Variants in WDR49 observed in about 807,000 individuals in gnomAD.
WDR49 encodes cilia- and flagella-associated protein 337.
WDR49 carries 107 observed loss-of-function variants against 119.5 expected under a neutral mutation model. The observed-to-expected ratio is 0.90, with a 90% CI of 0.77 to 1.05. WDR49 has a LOEUF of 1.05. Among genes scored for constraint, WDR49 ranks in the 50% least tolerant of loss-of-function variants. WDR49 has a pLI of 0.00. For missense variants in WDR49, 1,240 were observed against 1,220.5 expected (o/e 1.02, Z -0.24); for synonymous variants, 425 against 418.8 (o/e 1.01, Z -0.18).
At chr3:167,493,203 C>T (rs1577195096) in intron 18 of WDR49, among the ~76,000 whole-genome samples, 1 of 152,278 alleles carries the variant, frequency 6.6e-6, no homozygotes, top group East Asian at 1.9e-4. Context: ...CAGTACCAAG[C>T]TCTCGCAGTG....
chr3:167,657,851 C>T (rs193249866), upstream of WDR49, among the ~76,000 whole-genome samples: 7 of 152,312 alleles, frequency 4.6e-5, no homozygotes, highest in East Asian at 1.4e-3. Context: ...TGACCTCATG[C>T]CTTCCAGCAA....
In WDR49 at chr3:167,610,875, G is replaced by A. The variant is rs549430419; in HGVS notation, c.959-6407C>T. ...CTTTGCATGTTTGGGGGACAGTAAG[G>A]GAGAGAACAAGAGTCTCTGTCTGGT... is the stretch of plus-strand genomic sequence containing the variant. On this transcript the variant is annotated intron_variant, in intron 5 of 18. Transcript: ENST00000682715. Among the ~76,000 whole-genome samples the A allele has an allele frequency of 8.3e-4, 127 of 152,328 alleles. 1 individual carries two copies. Among genetic ancestry groups the A allele is most frequent in the African/African-American group, 2.9e-3 (119 of 41,576 alleles).
intron 17 of WDR49, among the ~76,000 whole-genome samples, chr3:167,501,971 G>C (rs1193747602): frequency 6.6e-6 from 1 of 152,144 alleles, no homozygotes; most frequent in African/African-American, 2.4e-5. Flanking sequence ...TGTCCCCTCT[G>C]AATCTCATGT....
intron 7 of WDR49, among the ~76,000 whole-genome samples, chr3:167,588,475 G>A (rs2108294182): frequency 6.6e-6 from 1 of 152,234 alleles, no homozygotes; most frequent in South Asian, 2.1e-4. Flanking sequence ...ACCTAGTAGT[G>A]GGAATGCTGG....
chr3:167,581,405 G>A (rs925524761), intron 7 of WDR49, among the ~76,000 whole-genome samples: 2 of 151,972 alleles, frequency 1.3e-5, no homozygotes, highest in Admixed American at 1.3e-4. Flanking sequence ...TGCTGAAGGG[G>A]CCCCTACCAA....
At chr3:167,497,064 CCTA>C (rs1751382345) in intron 18 of WDR49, among the ~76,000 whole-genome samples, 1 of 152,194 alleles carries the variant, frequency 6.6e-6, no homozygotes. Context: ...CCTTTGACCT[CCTA>C]CTCATCCTTT....
chr3:167,531,149 G>A lies in WDR49; in HGVS notation c.2184C>T (p.Cys728=). The A allele has an allele frequency of 1.2e-6, 2 of 1,612,130 alleles. No individual in the cohort carries two copies. Among genetic ancestry groups the A allele is most frequent in the Non-Finnish European group, 1.7e-6 (2 of 1,179,372 alleles). ...TEGKNAVMRL[C]FLKARKNTAV... ...CAGTGTTTTTTCTTGCTTTAAGAAA[G>A]CAAAGTCTCATAACAGCATTTTTGC... is the stretch of plus-strand genomic sequence containing the variant. The change falls in exon 13 of 19, where the codon TGC becomes TGT. Residue 728 remains cysteine (C), a synonymous_variant. Transcript: ENST00000682715.
intron 7 of WDR49, among the ~76,000 whole-genome samples, chr3:167,582,842 G>A (rs1714612064): frequency 6.6e-6 from 1 of 151,972 alleles, no homozygotes; most frequent in East Asian, 1.9e-4. Flanking sequence ...CAGCTACATG[G>A]GAGGCTGAGG....
chr3:167,481,925 A>G (rs1750731117), intron 18 of WDR49, among the ~76,000 whole-genome samples: 1 of 152,208 alleles, frequency 6.6e-6, no homozygotes, highest in African/African-American at 2.4e-5. Context: ...AATACAGCCA[A>G]ACCATATCAG....
rs562895016 is a variant in WDR49, at chr3:167,545,627, T to C, written c.1824-8627A>G. Among the ~76,000 whole-genome samples, 56 of 149,492 alleles carry C rather than the reference T, an allele frequency of 3.7e-4. No homozygotes were observed. In the South Asian group the frequency reaches 0.01, roughly 28 times the overall value. ...AACTCAGGAATGGAAAAATCAAACA[T>C]TGTATGTTCTCACTTATAAGTGGAA... On this transcript the variant is annotated intron_variant, in intron 10 of 18. Coordinates refer to ENST00000682715, the MANE Select transcript of WDR49 (RefSeq NM_001366157.1).
At chr3:167,592,437 C>CTTTTTTTTTTT (rs372398450) in intron 7 of WDR49, among the ~76,000 whole-genome samples, 2 of 133,372 alleles carry the variant, frequency 1.5e-5, no homozygotes, top group Non-Finnish European at 3.3e-5. Flanking sequence ...TTTTCTTTTT[C>CTTTTTTTTTTT]TTTTTTTTTT....
Position 167,531,186 on chromosome 3 carries a change from A to G in WDR49, c.2147T>C (p.Ile716Thr). ...HSTTGVRNFE[I>T]DTEGKNAVMR... ...AACAGCATTTTTGCCCTCAGTGTCAATCTCAAAGTTGCGGACTCCCGTGGT... is the reference window on the plus strand; with the variant it reads ...AACAGCATTTTTGCCCTCAGTGTCAGTCTCAAAGTTGCGGACTCCCGTGGT... The change falls in exon 13 of 19, where the codon ATT (isoleucine) becomes ACT (threonine). Residue 716 changes from isoleucine to threonine, a missense_variant. Coordinates refer to ENST00000682715, the MANE Select transcript of WDR49 (RefSeq NM_001366157.1). 6.2e-7 allele frequency: 1 copy of G among 1,612,144 alleles called. No homozygotes were observed. Among genetic ancestry groups the G allele is most frequent in the Non-Finnish European group, 8.5e-7 (1 of 1,179,584 alleles).
chr3:167,614,827 C>T (rs1011842780), intron 5 of WDR49, among the ~76,000 whole-genome samples: 9 of 152,144 alleles, frequency 5.9e-5, no homozygotes, highest in Non-Finnish European at 1.0e-4. Flanking sequence ...AGACGAAAAT[C>T]ACCAAAAATA....
intron 18 of WDR49, among the ~76,000 whole-genome samples, chr3:167,499,906 A>C (rs934479290): frequency 1.3e-5 from 2 of 152,214 alleles, no homozygotes; most frequent in Non-Finnish European, 2.9e-5. Flanking sequence ...ATACATGTTC[A>C]TGGCATTCTA....
intron 10 of WDR49, among the ~76,000 whole-genome samples, chr3:167,538,169 C>G (rs980801044): frequency 5.3e-5 from 8 of 152,092 alleles, no homozygotes; most frequent in African/African-American, 1.9e-4. Flanking sequence ...ACAAATGGCT[C>G]TTAAATTCTC....
rs1752752184 is a variant in WDR49 at position 167,529,203 on chromosome 3, T to A, written c.2255A>T (p.Tyr752Phe). ...ANLVSCGGSG[Y>F]VRFWDIYKKQ... Reference sequence around the variant, plus strand: ...CTTATATATATCCCAAAATCTGACATAACCAGATCCTCCACATGATACCAG... The same window carrying A: ...CTTATATATATCCCAAAATCTGACAAAACCAGATCCTCCACATGATACCAG... Residue 752 changes from tyrosine (Y) to phenylalanine (F), a missense_variant, in exon 14 of 19, where the codon TAT (tyrosine) becomes TTT (phenylalanine). Coordinates refer to ENST00000682715, the MANE Select transcript of WDR49 (RefSeq NM_001366157.1). The A allele has an allele frequency of 6.2e-7, 1 of 1,608,344 alleles. No homozygotes were observed. Among genetic ancestry groups the A allele is most frequent in the Non-Finnish European group, 8.5e-7 (1 of 1,178,154 alleles).
intron 2 of WDR49, 72 bp from the exon 3 acceptor site, chr3:167,627,364 C>T (rs187553384): frequency 1.7e-6 from 2 of 1,190,766 alleles, no homozygotes; most frequent in African/African-American, 1.6e-5. Context: ...AACTGTGCTA[C>T]CCACAAAGGT....
At chr3:167,633,128 T>C (rs1431975394) in intron 2 of WDR49, among the ~76,000 whole-genome samples, 1 of 150,892 alleles carries the variant, frequency 6.6e-6, no homozygotes, top group African/African-American at 2.4e-5. Flanking sequence ...TGTAAGGTTT[T>C]GGAGGTGTTC....
intron 2 of WDR49, among the ~76,000 whole-genome samples, chr3:167,650,361 A>C (rs1718318479): frequency 6.6e-6 from 1 of 152,200 alleles, no homozygotes; most frequent in African/African-American, 2.4e-5. Flanking sequence ...TTGAGTAACA[A>C]CCATTTTACG....
Sources: allele counts gnomAD v4.1 joint callset (sites outside exome capture counted in the v4.1 genomes callset), GRCh38; gene constraint gnomAD v4.1.1; transcripts MANE v1.5; gene names NCBI Gene and HGNC (gene_info 2026-07-23, HGNC 2026-07-21).